Variants in HOOK1 observed in about 807,000 individuals in gnomAD.
The protein encoded by HOOK1 is protein Hook homolog 1.
HOOK1 carries 60 observed loss-of-function variants against 112.8 expected under a neutral mutation model. That is an observed-to-expected ratio of 0.53 (90% CI 0.43 to 0.66). The LOEUF (loss-of-function observed/expected upper bound fraction) is 0.66. Ranked by LOEUF, HOOK1 falls within the 30% of genes least tolerant of loss-of-function variation. HOOK1 has a pLI of 0.00. For synonymous variants in HOOK1, 294 were observed against 283.8 expected, an observed-to-expected ratio of 1.04 and a Z score of -0.36; for missense variants, 770 against 856.0, an observed-to-expected ratio of 0.90 and a Z score of 1.25.
At chr1:59,828,999 C>CACATG in intron 3 of HOOK1, 147 bp downstream of exon 3, 1 of 609,446 alleles carries the variant, frequency 1.6e-6, no homozygotes, top group Non-Finnish European at 2.8e-6. Context: ...TCTCATGTAA[C>CACATG]TACCATCATA....
intron 1 of HOOK1, among the ~76,000 whole-genome samples, chr1:59,821,012 T>G (rs928326007): frequency 1.5e-4 from 23 of 152,088 alleles, no homozygotes; most frequent in Middle Eastern, 3.4e-3. Flanking sequence ...CGGGAGAGAA[T>G]TTTATTGGAT....
chr1:59,840,416 G>A, intron 8 of HOOK1, 25 bp downstream of exon 8: 1 of 1,445,766 alleles, frequency 6.9e-7, no homozygotes, highest in Non-Finnish European at 9.3e-7. Flanking sequence ...CCTGAGCTGA[G>A]AAAAACTTCC....
rs2098400453 is a variant in HOOK1 at position 59,840,365 on chromosome 1, C to A, written c.595C>A (p.Gln199Lys). 7 of 1,582,274 alleles carry A rather than the reference C, an allele frequency of 4.4e-6. No individual in the cohort carries two copies. Among genetic ancestry groups the A allele is most frequent in the Non-Finnish European group, 6.0e-6 (7 of 1,165,052 alleles). The change falls in exon 8 of 22, where the codon CAA (glutamine) becomes AAA (lysine). Residue 199 changes from glutamine (Q) to lysine (K), a missense_variant. This residue lies in a region of HOOK1 where 655 missense variants were observed against 725.9 expected (regional missense o/e 0.90). Coordinates refer to ENST00000371208, the MANE Select transcript of HOOK1 (RefSeq NM_015888.6). ...EALAEKEELR[Q>K]RCEELDMQVT... ...ACTAGCAGAAAAAGAAGAGCTGAGG[C>A]AAAGATGTGAAGAATTGGATATGCA...
chr1:59,847,364 A>T (rs183735482), intron 10 of HOOK1, among the ~76,000 whole-genome samples, 179 bp downstream of exon 10: 1 of 151,834 alleles, frequency 6.6e-6, no homozygotes, highest in Admixed American at 6.6e-5. Flanking sequence ...CTTGCAGTTC[A>T]TGGATAATAC....
At chr1:59,870,561 T>TA (rs1344879378) in intron 20 of HOOK1, among the ~76,000 whole-genome samples, 1 of 152,246 alleles carries the variant, frequency 6.6e-6, no homozygotes, top group Non-Finnish European at 1.5e-5. Context: ...GGCACATAAA[T>TA]ACGGCTATGG....
intron 10 of HOOK1, among the ~76,000 whole-genome samples, chr1:59,847,953 T>C (rs1182018309): frequency 6.6e-6 from 1 of 151,756 alleles, no homozygotes; most frequent in Non-Finnish European, 1.5e-5. Context: ...TGCTGAATGT[T>C]GTACACAAAG....
chr1:59,849,350 T>A (rs963640000), intron 12 of HOOK1, among the ~76,000 whole-genome samples, 167 bp downstream of exon 12: 28 of 151,532 alleles, frequency 1.8e-4, no homozygotes, highest in Admixed American at 5.3e-4. Context: ...TCTTTCAATT[T>A]TTTTAGTTTT....
intron 12 of HOOK1, among the ~76,000 whole-genome samples, chr1:59,852,460 G>A (rs946658926): frequency 2.0e-5 from 3 of 150,094 alleles, no homozygotes; most frequent in African/African-American, 7.3e-5. Flanking sequence ...TTATTTCTGT[G>A]AGAAACAAGA....
intron 2 of HOOK1, 42 bp downstream of exon 2, chr1:59,821,985 C>G (rs1161927451): frequency 7.0e-7 from 1 of 1,431,958 alleles, no homozygotes; most frequent in East Asian, 2.3e-5. Context: ...ATTGTAAACC[C>G]AATACATACC....
Position 59,840,347 on chromosome 1 carries a change from GA to G in HOOK1, c.582del (p.Glu195LysfsTer3). 6.3e-7 allele frequency: 1 copy of G among 1,599,298 alleles called. No homozygotes were observed. The highest frequency in any genetic ancestry group is 1.7e-5 in the Admixed American group (1 of 57,824). On this transcript the variant is annotated frameshift_variant, in exon 8 of 22. Transcript: ENST00000371208. LOFTEE classifies it high-confidence loss of function. ...GGAAGAACTTCAGGAAGCACTAGCA[GA>G]AAAAGAAGAGCTGAGGCAAAGATGT... ...ALEELQEALA[E>X]KEELRQRCEE...
Position 59,860,296 on chromosome 1 carries a change from C to A in HOOK1, c.1500C>A (p.His500Gln). The change falls in exon 15 of 22, where the codon CAC (histidine) becomes CAA (glutamine). Residue 500 changes from histidine to glutamine, a missense_variant. Physicochemically the swap from His to Gln is conservative, Grantham distance 24. Coordinates refer to ENST00000371208, the MANE Select transcript of HOOK1 (RefSeq NM_015888.6). ...TTCAGGAGCAGCTAGAACAGAAACA[C>A]CGTAAAATGAATGAACTGGAAACTG... ...EELQEQLEQK[H>Q]RKMNELETEQ... The A allele has an allele frequency of 6.2e-7, 1 of 1,606,682 alleles. No homozygotes were observed. The highest frequency in any genetic ancestry group is 8.5e-7 in the Non-Finnish European group (1 of 1,176,012).
chr1:59,857,798 G>A (rs2098411498), intron 12 of HOOK1, among the ~76,000 whole-genome samples: 1 of 152,148 alleles, frequency 6.6e-6, no homozygotes, highest in Non-Finnish European at 1.5e-5. Context: ...CATTGGTGTA[G>A]GCTGTAAAAT....
At chr1:59,815,960 C>T (rs1049468436) in intron 1 of HOOK1, among the ~76,000 whole-genome samples, 4 of 152,142 alleles carry the variant, frequency 2.6e-5, no homozygotes, top group Non-Finnish European at 4.4e-5. Flanking sequence ...TTCCAGTCAG[C>T]AAAATGACAT....
chr1:59,830,962 G>C (rs1008626896), intron 3 of HOOK1, among the ~76,000 whole-genome samples: 1 of 149,594 alleles, frequency 6.7e-6, no homozygotes, highest in African/African-American at 2.5e-5. Flanking sequence ...GTGAAGTGGT[G>C]CAATCTCAGC....
At chr1:59,815,286 G>A in intron 1 of HOOK1, 106 bp downstream of exon 1, 1 of 1,078,572 alleles carries the variant, frequency 9.3e-7, no homozygotes, top group Non-Finnish European at 1.3e-6. Context: ...CAGGGTCCCG[G>A]CGCACCCTGC....
rs763156095 is a variant in HOOK1, at chr1:59,840,305, C to T, written c.538-3C>T. On this transcript the variant is annotated splice_polypyrimidine_tract_variant and splice_region_variant and intron_variant, in intron 7 of 21. Coordinates refer to ENST00000371208, the MANE Select transcript of HOOK1 (RefSeq NM_015888.6). ...CTAAGATTTAGGACATTTTGTATTT[C>T]AGCTTAAAAGAGCCTTGGAAGAACT... The T allele has an allele frequency of 8.3e-6, 13 of 1,558,142 alleles. No individual in the cohort carries two copies. In the South Asian group the frequency reaches 1.4e-4, roughly 17 times the overall value.
Position 59,872,907 on chromosome 1 carries a change from A to G in HOOK1, c.2129A>G (p.His710Arg), listed in dbSNP as rs34360310. Reference protein sequence around the residue: ...PARSFLAQQRHITNTRRNLSV... With the variant: ...PARSFLAQQRRITNTRRNLSV... ...CGGTCTTTCTTAGCGCAGCAACGGC[A>G]CATCACCAACACCAGAAGAAATCTC... The change falls in exon 22 of 22, where the codon CAC becomes CGC. Residue 710 changes from histidine (H) to arginine (R), a missense_variant. Around this residue, in one of 3 missense-constraint regions of HOOK1, gnomAD observed 111 missense variants for 111.8 expected, o/e 0.99. Transcript: ENST00000371208. 6.4e-4 allele frequency: 970 copies of G among 1,525,976 alleles called. No individual in the cohort carries two copies. The highest frequency in any genetic ancestry group is 8.2e-4 in the Non-Finnish European group (927 of 1,128,994). 94.5% of individuals were successfully genotyped at this position (1,525,976 alleles called of 1,614,324 possible).
At chr1:59,845,485 G>A (rs1449018993) in intron 9 of HOOK1, among the ~76,000 whole-genome samples, 15 of 151,848 alleles carry the variant, frequency 9.9e-5, no homozygotes, top group Non-Finnish European at 1.2e-4. Context: ...GATCCGTCAA[G>A]TATGATGCTA....
chr1:59,833,369 C>T, intron 4 of HOOK1, 36 bp from the exon 5 acceptor site: 1 of 1,414,336 alleles, frequency 7.1e-7, no homozygotes, highest in African/African-American at 1.4e-5. Flanking sequence ...TTGCAGCCGA[C>T]ATAAATGAGT....
Sources: allele counts gnomAD v4.1 joint callset (sites outside exome capture counted in the v4.1 genomes callset), GRCh38; gene constraint gnomAD v4.1.1; regional missense constraint gnomAD v4.1.1; transcripts MANE v1.5; gene names NCBI Gene and HGNC (gene_info 2026-07-23, HGNC 2026-07-21).